The following DISP1 variants were observed in gnomAD, a reference collection of about 807,000 sequenced individuals.
DISP1 encodes the protein dispatched RND transporter family member 1, also known as protein dispatched homolog 1.
Under a neutral mutation model 37.3 loss-of-function variants are expected in DISP1, and 30 were observed. The observed-to-expected ratio is 0.80, with a 90% CI of 0.60 to 1.09. The LOEUF is 1.09. DISP1 is among the 50% of genes least tolerant of loss of function. The probability of loss-of-function intolerance (pLI) is 0.00; values close to 1 mark genes in which losing one functional copy is unlikely to be tolerated. For synonymous variants in DISP1, 634 were observed against 690.2 expected, an observed-to-expected ratio of 0.92 and a Z score of 1.28; for missense variants, 1,598 against 1,879.5, an observed-to-expected ratio of 0.85 and a Z score of 2.77.
chr1:223,004,388 C>T lies in DISP1; in HGVS notation c.2991C>T (p.Ser997=), dbSNP rs777309586. 1.2e-5 allele frequency: 19 copies of T among 1,614,026 alleles called. No homozygotes were observed. The East Asian group carries it at 2.7e-4, about 23-fold the overall frequency. Residue 997 remains serine (S), a synonymous_variant, in exon 9 of 9, where the codon AGC becomes AGT. Coordinates refer to ENST00000675850, the MANE Select transcript of DISP1 (RefSeq NM_001377229.1). The surrounding 1 kb of genome is among the most constrained non-coding windows in gnomAD (Gnocchi z 4.9). ...AMGLSVAVAF[S]VMLLTTWNII... ...GGCTGTCAGTTGCTGTTGCATTTAG[C>T]GTGATGCTGCTGACAACTTGGAACA...
intron 1 of DISP1, among the ~76,000 whole-genome samples, chr1:222,890,152 T>C (rs1408732758): frequency 6.6e-6 from 1 of 152,188 alleles, no homozygotes; most frequent in East Asian, 1.9e-4. Context: ...CAGCTTTCTA[T>C]ATGTTAAGAA....
At chr1:222,919,832 A>G (rs1168216347) in intron 1 of DISP1, among the ~76,000 whole-genome samples, 7 of 152,218 alleles carry the variant, frequency 4.6e-5, no homozygotes, top group Admixed American at 4.6e-4. Context: ...TTTCCTTGCC[A>G]AAAATATTAC....
intron 1 of DISP1, among the ~76,000 whole-genome samples, chr1:222,913,067 ATTAGACT>A (rs149921884): frequency 9.5e-4 from 144 of 152,312 alleles, no homozygotes; most frequent in African/African-American, 3.2e-3. Flanking sequence ...AAAACTTCTA[ATTAGACT>A]TTAAAGTTTT....
chr1:222,936,653 C>CATATATATTATA (rs1558339272), intron 2 of DISP1, among the ~76,000 whole-genome samples: 16 of 33,508 alleles, frequency 4.8e-4, no homozygotes, highest in African/African-American at 2.0e-3. Context: ...ATATATATAT[C>CATATATATTATA]TCTCATATAT....
In DISP1 at chr1:223,003,750, A is replaced by C; in HGVS notation, c.2353A>C (p.Met785Leu). The change falls in exon 9 of 9, where the codon ATG becomes CTG. Residue 785 changes from methionine to leucine, a missense_variant. Physicochemically the swap from Met to Leu is conservative, Grantham distance 15. Coordinates refer to ENST00000675850, the MANE Select transcript of DISP1 (RefSeq NM_001377229.1). The surrounding 1 kb of genome is among the most constrained non-coding windows in gnomAD (Gnocchi z 4.3). ...ERVHHGEELH[M>L]PITVIWGVSP... ...TGTTCACCATGGCGAGGAGCTCCACATGCCCATCACAGTAATCTGGGGCGT... is the reference window on the plus strand; with the variant it reads ...TGTTCACCATGGCGAGGAGCTCCACCTGCCCATCACAGTAATCTGGGGCGT... The C allele has an allele frequency of 1.2e-6, 2 of 1,614,156 alleles. No homozygotes were observed. The highest frequency in any genetic ancestry group is 1.7e-6 in the Non-Finnish European group (2 of 1,180,040).
chr1:222,986,409 G>T (rs1453457627), intron 4 of DISP1, among the ~76,000 whole-genome samples: 1 of 152,194 alleles, frequency 6.6e-6, no homozygotes, highest in African/African-American at 2.4e-5. Flanking sequence ...TGTCACTTGA[G>T]CATAAGCTGG....
At chr1:222,891,037 A>G (rs1326741491) in intron 1 of DISP1, among the ~76,000 whole-genome samples, 1 of 152,148 alleles carries the variant, frequency 6.6e-6, no homozygotes, top group Admixed American at 6.5e-5. Context: ...CTGAGGGTTA[A>G]GACTTCAATA....
intron 4 of DISP1, among the ~76,000 whole-genome samples, chr1:222,983,415 G>C (rs1323206568): frequency 6.6e-6 from 1 of 151,950 alleles, no homozygotes; most frequent in Non-Finnish European, 1.5e-5. Flanking sequence ...TCGGGAGTTC[G>C]GGACCAGCCT....
At chr1:222,922,148 G>T (rs1485711699) in intron 1 of DISP1, among the ~76,000 whole-genome samples, 1 of 152,148 alleles carries the variant, frequency 6.6e-6, no homozygotes, top group Non-Finnish European at 1.5e-5. Context: ...ATTCTGTTTG[G>T]CAAGGGCAGT....
Position 222,840,527 on chromosome 1 carries a change from C to T in DISP1, c.-159+25449C>T, listed in dbSNP as rs147397455. On this transcript the variant is annotated intron_variant, in intron 1 of 8. Transcript: ENST00000675850. The stretch of plus-strand genomic sequence containing the variant: ...AAAGTACTAGGATTACAGGCGTGAG[C>T]CACCATGCCTGGCCATTAGTACAGT... Among the ~76,000 whole-genome samples the T allele has an allele frequency of 4.9e-3, 733 of 150,916 alleles. 9 individuals are homozygous for T. Among genetic ancestry groups the T allele is most frequent in the African/African-American group, 0.017 (688 of 41,112 alleles).
intron 1 of DISP1, among the ~76,000 whole-genome samples, chr1:222,843,277 TTAAAGAA>T (rs1350443498): frequency 6.6e-6 from 1 of 152,022 alleles, no homozygotes; most frequent in East Asian, 1.9e-4. Context: ...TGGAAATCCT[TTAAAGAA>T]TAAATAACAG....
chr1:222,972,548 A>G (rs534789171), intron 3 of DISP1, among the ~76,000 whole-genome samples: 5 of 152,246 alleles, frequency 3.3e-5, no homozygotes, highest in African/African-American at 1.2e-4. Flanking sequence ...TGTGATCCTC[A>G]CTAGTCCTTC....
At chr1:222,840,189 T>C (rs1667506058) in intron 1 of DISP1, among the ~76,000 whole-genome samples, 1 of 152,194 alleles carries the variant, frequency 6.6e-6, no homozygotes, top group African/African-American at 2.4e-5. Context: ...GTCGAACTAT[T>C]ATAAATCAGG....
chr1:222,831,572 CA>C (rs1164530229), intron 1 of DISP1, among the ~76,000 whole-genome samples: 3 of 152,056 alleles, frequency 2.0e-5, no homozygotes, highest in African/African-American at 7.2e-5. Context: ...CTTTTAATGA[CA>C]AAAACTGCAA....
intron 2 of DISP1, among the ~76,000 whole-genome samples, chr1:222,936,239 G>A (rs1019566002): frequency 1.6e-4 from 24 of 152,106 alleles, no homozygotes; most frequent in Admixed American, 7.2e-4. Flanking sequence ...GTTTATGTAA[G>A]TACACTGTGA....
chr1:222,992,249 G>A (rs1444375907), intron 7 of DISP1, 139 bp downstream of exon 7: 6 of 735,156 alleles, frequency 8.2e-6, no homozygotes, highest in Non-Finnish European at 1.2e-5. Context: ...AGAAATTTTG[G>A]CTAATTAACT....
At chr1:222,898,936 A>G (rs17162913) in intron 1 of DISP1, among the ~76,000 whole-genome samples, 19,149 of 152,174 alleles carry the variant, frequency 0.13, 1,384 homozygotes, top group East Asian at 0.31. Flanking sequence ...CACATCTAAC[A>G]TGAAGTTATT....
chr1:222,916,922 A>G (rs914239052), intron 1 of DISP1, among the ~76,000 whole-genome samples: 1 of 152,210 alleles, frequency 6.6e-6, no homozygotes, highest in Non-Finnish European at 1.5e-5. Flanking sequence ...AACTGTTCTC[A>G]TAAATGCAGA....
At chr1:222,870,251 C>T (rs1433556489) in intron 1 of DISP1, among the ~76,000 whole-genome samples, 14 of 152,096 alleles carry the variant, frequency 9.2e-5, no homozygotes, top group Non-Finnish European at 1.3e-4. Context: ...AATAAACATA[C>T]GTGTGCATGT....
Sources: allele counts gnomAD v4.1 joint callset (sites outside exome capture counted in the v4.1 genomes callset), GRCh38; gene constraint gnomAD v4.1.1; non-coding constraint Gnocchi (gnomAD v3.1); transcripts MANE v1.5; gene names NCBI Gene and HGNC (gene_info 2026-07-23, HGNC 2026-07-21).